The following ALB variants were observed in gnomAD, a reference collection of about 807,000 sequenced individuals.
ALB encodes the protein serum albumin.
A neutral mutation model predicts 74.5 loss-of-function variants in ALB; 37 were observed. The observed-to-expected ratio is 0.50, with a 90% confidence interval of 0.38 to 0.65. The LOEUF is 0.65. Ranked by LOEUF, ALB falls within the 30% of genes least tolerant of loss-of-function variation. ALB has a pLI of 0.00. For missense variants in ALB, 685 were observed against 718.7 expected, an observed-to-expected ratio of 0.95 and a Z score of 0.54; for synonymous variants, 249 against 251.6, an observed-to-expected ratio of 0.99 and a Z score of 0.10.
rs1005570284 is a variant in ALB at position 73,421,242 on chromosome 4, A to G, written c.*174A>G. ...TTCTCTGTGCTTCAATTAATAAAAA[A>G]TGGAAAGAATCTAATAGAGTGGTAC... On this transcript the variant is annotated 3_prime_UTR_variant, in exon 15 of 15. Transcript: ENST00000295897. The G allele has an allele frequency of 5.0e-6, 3 of 598,194 alleles. No homozygotes were observed. The highest frequency in any genetic ancestry group is 8.9e-6 in the Non-Finnish European group (3 of 338,810). 37.1% of individuals were successfully genotyped at this position (598,194 alleles called of 1,614,324 possible). A position where few individuals can be genotyped will look rare whatever the true frequency, so the allele number is the denominator to read the frequency against.
In ALB at chr4:73,416,493, G is replaced by A. The variant is rs188279420; in HGVS notation, c.1289+140G>A. The A allele has an allele frequency of 1.1e-3, 751 of 705,912 alleles. 2 individuals carry two copies. The highest frequency in any genetic ancestry group is 5.9e-4 in the Non-Finnish European group (241 of 405,106). 43.7% of individuals were successfully genotyped at this position (705,912 alleles called of 1,614,324 possible). A position where few individuals can be genotyped will look rare whatever the true frequency, so the allele number is the denominator to read the frequency against. On this transcript the variant is annotated intron_variant, in intron 10 of 14. Coordinates refer to ENST00000295897, the MANE Select transcript of ALB (RefSeq NM_000477.7). ...TCACTCTTTGTCAAGAAAGATAGGA[G>A]AGGAGAGATAAAATAGTTGATGGGG... is the stretch of plus-strand genomic sequence containing the variant.
chr4:73,420,356 A>G (rs1033901240), intron 14 of ALB, 35 bp downstream of exon 14: 3 of 1,360,080 alleles, frequency 2.2e-6, no homozygotes, highest in Non-Finnish European at 2.1e-6. Context: ...AAAAGTAACT[A>G]TAATAGTTAT....
intron 8 of ALB, 35 bp from the exon 9 acceptor site, chr4:73,415,000 T>C (rs1350581979): frequency 1.2e-6 from 2 of 1,611,208 alleles, no homozygotes; most frequent in African/African-American, 2.7e-5. Context: ...TGCTCATTTG[T>C]CCAACAAAGT....
chr4:73,416,431 G>T (rs1719017006), intron 10 of ALB, 78 bp downstream of exon 10: 1 of 990,952 alleles, frequency 1.0e-6, no homozygotes, highest in Non-Finnish European at 1.6e-6. Context: ...ACCTAGCATA[G>T]AACTTTTAAG....
At chr4:73,405,658 T>A (rs1310620377) in intron 2 of ALB, among the ~76,000 whole-genome samples, 1 of 151,894 alleles carries the variant, frequency 6.6e-6, no homozygotes, top group Non-Finnish European at 1.5e-5. Flanking sequence ...TGGCGCAATC[T>A]CGGCTCACTG....
chr4:73,410,302 C>A lies in ALB; in HGVS notation c.616-10C>A. 1 of 1,610,296 alleles carries A rather than the reference C, an allele frequency of 6.2e-7. No homozygotes were observed. Among genetic ancestry groups the A allele is most frequent in the African/African-American group, 1.3e-5 (1 of 74,940 alleles). On this transcript the variant is annotated splice_polypyrimidine_tract_variant and intron_variant, in intron 5 of 14. Transcript: ENST00000295897. Reference sequence around the variant, plus strand: ...TCTTCTAATTTTCATCAAATTATTCCTTTTTGTAGCTCGATGAACTTCGGG... The same window carrying A: ...TCTTCTAATTTTCATCAAATTATTCATTTTTGTAGCTCGATGAACTTCGGG...
rs147981653 is a variant in ALB at position 73,416,335 on chromosome 4, A to G, written c.1271A>G (p.Glu424Gly). 1 of 1,613,396 alleles carries G rather than the reference A, an allele frequency of 6.2e-7. No individual in the cohort carries two copies. Among genetic ancestry groups the G allele is most frequent in the Non-Finnish European group, 8.5e-7 (1 of 1,179,594 alleles). ...QNCELFEQLG[E>G]YKFQNALLVR... ...TGTGAGCTTTTTGAGCAGCTTGGAG[A>G]GTACAAATTCCAGAATGCGTAAGTA... The change falls in exon 10 of 15, where the codon GAG (glutamate) becomes GGG (glycine). Residue 424 changes from glutamate to glycine, a missense_variant. By Grantham distance (98) the Glu-to-Gly change is moderately conservative. Transcript: ENST00000295897.
intron 1 of ALB, among the ~76,000 whole-genome samples, chr4:73,404,607 T>C (rs1393339243): frequency 2.0e-5 from 3 of 151,818 alleles, no homozygotes; most frequent in African/African-American, 7.3e-5. Context: ...AAGGTCAGAA[T>C]TGTTTAGTGA....
chr4:73,415,865 T>C (rs1718999025), intron 9 of ALB, among the ~76,000 whole-genome samples: 2 of 152,180 alleles, frequency 1.3e-5, no homozygotes, highest in African/African-American at 2.4e-5. Context: ...AAACTTTTAT[T>C]ATATGCAAGG....
intron 1 of ALB, among the ~76,000 whole-genome samples, chr4:73,404,620 G>A (rs1718673584): frequency 1.3e-5 from 2 of 151,368 alleles, no homozygotes; most frequent in African/African-American, 4.9e-5. Flanking sequence ...TTTAGTGACT[G>A]TAATTTTCTT....
chr4:73,412,728 A>T, intron 7 of ALB, among the ~76,000 whole-genome samples: 1 of 152,228 alleles, frequency 6.6e-6, no homozygotes, highest in South Asian at 2.1e-4. Flanking sequence ...TACAGGCATG[A>T]GCCACCTTGC....
In ALB at chr4:73,413,387, C is replaced by T. The variant is rs369889432; in HGVS notation, c.844-33C>T. 79 of 1,562,448 alleles carry T rather than the reference C, an allele frequency of 5.1e-5. No individual in the cohort carries two copies. The African/African-American group carries it at 9.3e-4, about 18-fold the overall frequency. ...AGGAGAAAGTGTAGCAATGTCAATT[C>T]GTGTTGAACAATTTCCACCAACTTA... On this transcript the variant is annotated intron_variant, in intron 7 of 14. Coordinates refer to ENST00000295897, the MANE Select transcript of ALB (RefSeq NM_000477.7).
chr4:73,419,495 A>G lies in ALB; in HGVS notation c.1653-12A>G. Reference sequence around the variant, plus strand: ...TTCTGTTTTTTTTTTTTCTTTTTCCATTCAAACTCAGTGCACTTGTTGAGC... The same window carrying G: ...TTCTGTTTTTTTTTTTTCTTTTTCCGTTCAAACTCAGTGCACTTGTTGAGC... On this transcript the variant is annotated splice_polypyrimidine_tract_variant and intron_variant, in intron 12 of 14. Transcript: ENST00000295897. The G allele has an allele frequency of 6.2e-7, 1 of 1,602,000 alleles. No homozygotes were observed. The highest frequency in any genetic ancestry group is 8.5e-7 in the Non-Finnish European group (1 of 1,176,180).
intron 2 of ALB, among the ~76,000 whole-genome samples, chr4:73,406,120 A>G (rs1203219745): frequency 1.3e-5 from 2 of 151,998 alleles, no homozygotes; most frequent in Non-Finnish European, 1.5e-5. Flanking sequence ...AAAATTAGGC[A>G]TGGTGGCACA....
At chr4:73,420,506 A>G (rs1000589905) in intron 14 of ALB, among the ~76,000 whole-genome samples, 185 bp downstream of exon 14, 1 of 152,172 alleles carries the variant, frequency 6.6e-6, no homozygotes, top group Non-Finnish European at 1.5e-5. Context: ...TATTATTTCT[A>G]TTTTGTAGAT....
At chr4:73,409,980 A>C (rs1351996442) in intron 5 of ALB, among the ~76,000 whole-genome samples, 1 of 152,104 alleles carries the variant, frequency 6.6e-6, no homozygotes, top group Admixed American at 6.6e-5. Context: ...GAAATGAATT[A>C]TACACAAAAT....
intron 5 of ALB, among the ~76,000 whole-genome samples, chr4:73,409,982 AC>A (rs1474487081): frequency 6.6e-6 from 1 of 152,132 alleles, no homozygotes; most frequent in Non-Finnish European, 1.5e-5. Context: ...AATGAATTAT[AC>A]ACAAAATTTA....
In ALB at chr4:73,417,649, A is replaced by G; in HGVS notation, c.1408A>G (p.Met470Val). The G allele has an allele frequency of 1.2e-6, 2 of 1,613,932 alleles. No homozygotes were observed. Among genetic ancestry groups the G allele is most frequent in the Non-Finnish European group, 1.7e-6 (2 of 1,179,870 alleles). The change falls in exon 11 of 15, where the codon ATG becomes GTG. Residue 470 changes from methionine to valine, a missense_variant. Transcript: ENST00000295897. ...KCCKHPEAKR[M>V]PCAEDYLSVV... The stretch of plus-strand genomic sequence containing the variant: ...TTGTAAACATCCTGAAGCAAAAAGA[A>G]TGCCCTGTGCAGAAGACTATGTGAG...
At chr4:73,408,426 GA>G (rs1401497453) in intron 3 of ALB, among the ~76,000 whole-genome samples, 167 bp from the exon 4 acceptor site, 1 of 152,048 alleles carries the variant, frequency 6.6e-6, no homozygotes, top group Non-Finnish European at 1.5e-5. Flanking sequence ...AAATTATATA[GA>G]GATGGTTAAA....
Sources: allele counts gnomAD v4.1 joint callset (sites outside exome capture counted in the v4.1 genomes callset), GRCh38; gene constraint gnomAD v4.1.1; transcripts MANE v1.5; gene names NCBI Gene and HGNC (gene_info 2026-07-23, HGNC 2026-07-21).